Variants in SYNE2 observed in about 807,000 individuals in gnomAD.
The protein encoded by SYNE2 is nesprin-2.
In SYNE2, 431 loss-of-function variants were observed where a neutral mutation model predicts 856.3. That is an observed-to-expected ratio of 0.50 (90% CI 0.47 to 0.55). SYNE2 has a LOEUF of 0.55. SYNE2 is among the 20% of genes least tolerant of loss of function. The pLI is 0.00. For synonymous variants in SYNE2, 2,923 were observed against 2,872.3 expected (o/e 1.02, Z -0.56); for missense variants, 8,129 against 8,023.2 (o/e 1.01, Z -0.50).
At chr14:64,183,222 G>T (rs1465796265) in intron 96 of SYNE2, among the ~76,000 whole-genome samples, 4 of 149,080 alleles carry the variant, frequency 2.7e-5, no homozygotes, top group Admixed American at 6.7e-5. Context: ...GGGCGGAGGG[G>T]CTCCTCACTT....
chr14:63,797,078 CA>C (rs372872575), intron 1 of SYNE2, among the ~76,000 whole-genome samples: 12,474 of 70,160 alleles, frequency 0.18, 465 homozygotes, highest in African/African-American at 0.22. Context: ...GACTTCATCT[CA>C]AAAAAAAAAA....
chr14:64,075,181 A>G (rs918618342), intron 53 of SYNE2, among the ~76,000 whole-genome samples: 2 of 152,258 alleles, frequency 1.3e-5, no homozygotes, highest in Non-Finnish European at 2.9e-5. Flanking sequence ...GACTCAATCC[A>G]TGAACACAAA....
intron 1 of SYNE2, among the ~76,000 whole-genome samples, chr14:63,866,117 T>C (rs1431209237): frequency 6.6e-6 from 1 of 152,196 alleles, no homozygotes; most frequent in African/African-American, 2.4e-5. Context: ...TAATATGTTC[T>C]CAACCAACAA....
chr14:64,002,934 C>T lies in SYNE2; in HGVS notation c.4001C>T (p.Thr1334Ile). 1.9e-6 allele frequency: 3 copies of T among 1,614,192 alleles called. No homozygotes were observed. The highest frequency in any genetic ancestry group is 1.1e-5 in the South Asian group (1 of 91,078). Residue 1334 changes from threonine to isoleucine, a missense_variant, in exon 30 of 116, where the codon ACA becomes ATA. By Grantham distance (89) the Thr-to-Ile change is moderately conservative. Around this residue, in one of 3 missense-constraint regions of SYNE2, gnomAD observed 2,422 missense variants for 2,357.4 expected, o/e 1.03. Transcript: ENST00000555002. ...GAAGACTTTTTGGCGTCTCTCAGAA[C>T]AGCTAAACTCTCTGCTGAGCCCGTT... is the stretch of plus-strand genomic sequence containing the variant. ...ALEDFLASLR[T>I]AKLSAEPVTD...
At chr14:64,208,548 G>A (rs1006892364) in intron 100 of SYNE2, among the ~76,000 whole-genome samples, 1 of 152,216 alleles carries the variant, frequency 6.6e-6, no homozygotes, top group African/African-American at 2.4e-5. Context: ...GATGTTTCCA[G>A]TGTTTAAACT....
rs993052114 is a variant in SYNE2, at chr14:64,218,812, G to A, written c.19657+300G>A. 6.6e-5 allele frequency among the ~76,000 whole-genome samples: 10 copies of A among 152,180 alleles called. No homozygotes were observed. In the East Asian group the frequency reaches 1.9e-3, roughly 29 times the overall value. On this transcript the variant is annotated intron_variant, in intron 109 of 115. Transcript: ENST00000555002. ...ATCAGACTTGAGGATGATGATCAGT[G>A]TTATCTCAAGTGTCTCTTCATTCGA...
intron 50 of SYNE2, among the ~76,000 whole-genome samples, chr14:64,065,209 A>G (rs1342602765): frequency 1.3e-5 from 2 of 152,138 alleles, no homozygotes; most frequent in African/African-American, 2.4e-5. Flanking sequence ...AAAATGGTTT[A>G]TGGGTCATTA....
Position 64,141,412 on chromosome 14 carries a change from TC to T in SYNE2, c.15049del (p.His5017ThrfsTer2). 6.2e-7 allele frequency: 1 copy of T among 1,614,116 alleles called. No homozygotes were observed. The highest frequency in any genetic ancestry group is 8.5e-7 in the Non-Finnish European group (1 of 1,179,976). On this transcript the variant is annotated frameshift_variant, in exon 81 of 116. Coordinates refer to ENST00000555002, the MANE Select transcript of SYNE2 (RefSeq NM_182914.3). LOFTEE classifies it high-confidence loss of function. ...TTATCAGTATCGGGAACCAGCTTCT[TC>T]ACCTGAAAGAAACTGATACAGCTAC... Reference protein sequence around the residue: ...AVISIGNQLLHLKETDTATLR... With the variant: ...AVISIGNQLLXLKETDTATLR...
At chr14:64,155,976 C>G (rs1472880136) in intron 85 of SYNE2, among the ~76,000 whole-genome samples, 1 of 152,204 alleles carries the variant, frequency 6.6e-6, no homozygotes, top group Non-Finnish European at 1.5e-5. Context: ...CTTAACCTCT[C>G]TAAGCCTCGA....
chr14:64,216,546 C>T (rs1219942903), intron 108 of SYNE2, 159 bp downstream of exon 108: 1 of 850,636 alleles, frequency 1.2e-6, no homozygotes, highest in Non-Finnish European at 1.9e-6. Context: ...GCTGTCCATA[C>T]TTCATTAGAA....
rs540711443 is a variant in SYNE2 at position 64,080,097 on chromosome 14, A to T, written c.11164-359A>T. 6.6e-5 allele frequency among the ~76,000 whole-genome samples: 10 copies of T among 152,098 alleles called. No homozygotes were observed. In the South Asian group the frequency reaches 2.1e-3, roughly 32 times the overall value. On this transcript the variant is annotated intron_variant, in intron 55 of 115. Transcript: ENST00000555002. ...CGTGTGTGTGTATGAACTAGTGTAA[A>T]TAGGTTCAAGTCTTTCCCCAAGCCC...
chr14:63,855,200 T>A (rs931282019), intron 1 of SYNE2, among the ~76,000 whole-genome samples: 2 of 152,154 alleles, frequency 1.3e-5, no homozygotes. Flanking sequence ...GGGGCGATAG[T>A]GGTGCACAAG....
intron 19 of SYNE2, among the ~76,000 whole-genome samples, chr14:63,988,466 A>T (rs1345182465): frequency 6.6e-6 from 1 of 152,220 alleles, no homozygotes; most frequent in Admixed American, 6.5e-5. Context: ...TATAATTTAA[A>T]AGAGGGAAAA....
chr14:64,087,093 T>TA lies in SYNE2; in HGVS notation c.11485-559dup, dbSNP rs56917782. On this transcript the variant is annotated intron_variant, in intron 57 of 115. Transcript: ENST00000555002. Reference sequence around the variant, plus strand: ...TGATGCTGTTGTCAGTGATAATTGGTAAAAAAAAAAAAAAAAAAAGCATTG... The same window carrying TA: ...TGATGCTGTTGTCAGTGATAATTGGTAAAAAAAAAAAAAAAAAAAAGCATTG... 5.0e-3 allele frequency among the ~76,000 whole-genome samples: 488 copies of TA among 98,430 alleles called. 12 individuals carry two copies. Among genetic ancestry groups the TA allele is most frequent in the South Asian group, 0.02 (46 of 2,326 alleles). The allele number at this position is 98,430 out of a possible 152,430, so 64.6% of individuals were successfully genotyped here. A position where few individuals can be genotyped will look rare whatever the true frequency, so the allele number is the denominator to read the frequency against.
At chr14:64,057,562 G>T (rs1009611059) in intron 49 of SYNE2, among the ~76,000 whole-genome samples, 1 of 151,956 alleles carries the variant, frequency 6.6e-6, no homozygotes, top group African/African-American at 2.4e-5. Flanking sequence ...CTTGACTATT[G>T]TGAATAATAC....
chr14:63,781,633 T>TAG (rs930051501), intron 1 of SYNE2, among the ~76,000 whole-genome samples: 9 of 150,736 alleles, frequency 6.0e-5, no homozygotes, highest in African/African-American at 1.7e-4. Flanking sequence ...ACCCCAGAGG[T>TAG]AGAGAGAGAG....
At chr14:64,213,781 G>GAA (rs1290973801) in intron 105 of SYNE2, among the ~76,000 whole-genome samples, 3 of 152,128 alleles carry the variant, frequency 2.0e-5, no homozygotes, top group Non-Finnish European at 4.4e-5. Context: ...AAGAAAGAAA[G>GAA]AACCTGGTGC....
intron 102 of SYNE2, 25 bp from the exon 103 acceptor site, chr14:64,209,917 C>G: frequency 6.2e-7 from 1 of 1,614,004 alleles, no homozygotes; most frequent in Non-Finnish European, 8.5e-7. Context: ...CATGCTTTGG[C>G]TCTGACCCCT....
intron 45 of SYNE2, among the ~76,000 whole-genome samples, chr14:64,035,916 G>A (rs368088865): frequency 8.6e-5 from 13 of 150,984 alleles, no homozygotes; most frequent in African/African-American, 2.7e-4. Context: ...GTTGCCCAGG[G>A]TAGTCTTGAA....
Sources: allele counts gnomAD v4.1 joint callset (sites outside exome capture counted in the v4.1 genomes callset), GRCh38; gene constraint gnomAD v4.1.1; regional missense constraint gnomAD v4.1.1; transcripts MANE v1.5; gene names NCBI Gene and HGNC (gene_info 2026-07-23, HGNC 2026-07-21).